KCNC4: variants seen among roughly 807,000 people sequenced by gnomAD.
KCNC4 encodes potassium voltage-gated channel subfamily C member 4.
Under a neutral mutation model 42.8 loss-of-function variants are expected in KCNC4, and 23 were observed. The ratio of observed to expected loss-of-function variants is 0.54; its 90% CI spans 0.39 to 0.76. The LOEUF (loss-of-function observed/expected upper bound fraction) is 0.76, where lower values mean the gene tolerates loss of function less well. KCNC4 is among the 30% of genes least tolerant of loss of function. KCNC4 has a pLI of 0.00. For missense variants in KCNC4, 751 were observed against 898.2 expected (o/e 0.84, Z 2.10); for synonymous variants, 422 against 393.5 (o/e 1.07, Z -0.86).
At chr1:110,282,221 G>A (rs977009127) in intron 1 of KCNC4, among the ~76,000 whole-genome samples, 2 of 152,216 alleles carry the variant, frequency 1.3e-5, no homozygotes, top group African/African-American at 4.8e-5. Context: ...TCCCAGAGGG[G>A]AGAAAGAGAT....
chr1:110,234,582 TCA>T (rs1318377130), downstream of KCNC4: 1 of 152,238 alleles, frequency 6.6e-6, no homozygotes, highest in Non-Finnish European at 1.5e-5. Context: ...CCCTTGGCTC[TCA>T]CTGTTGTTAT....
chr1:110,244,218 C>T (rs1244314377), exon 4 of KCNC4: 1 of 152,174 alleles, frequency 6.6e-6, no homozygotes. Context: ...CAAACCCTAA[C>T]TCGGGTGCGG....
chr1:110,254,899 T>C (rs1185057416), intron 1 of KCNC4, among the ~76,000 whole-genome samples: 2 of 152,244 alleles, frequency 1.3e-5, no homozygotes, highest in African/African-American at 2.4e-5. Flanking sequence ...GCAATGCCAT[T>C]CCAGTCCATT....
rs200184574 is a variant in KCNC4 at position 110,226,172 on chromosome 1, C to T, written c.1813C>T (p.Arg605Trp). ...CTATGCCTGCGCCGATGGTAGTGTC[C>T]GGAAAGGTATGGCTTCCCAAGCTGG... ...GDYACADGSVRKETCQDALSS... is the reference protein window; with the variant it reads ...GDYACADGSVWKETCQDALSS... Residue 605 changes from arginine to tryptophan, a missense_variant, in exon 3 of 4, where the codon CGG becomes TGG. Physicochemically the swap from Arg to Trp is moderately radical, Grantham distance 101 (BLOSUM62 -3). Transcript: ENST00000438661. 3.9e-5 allele frequency: 63 copies of T among 1,613,938 alleles called. No homozygotes were observed. Among genetic ancestry groups the T allele is most frequent in the South Asian group, 1.9e-4 (17 of 91,066 alleles).
At chr1:110,277,992 C>CA (rs911746318) in intron 1 of KCNC4, among the ~76,000 whole-genome samples, 1 of 152,074 alleles carries the variant, frequency 6.6e-6, no homozygotes, top group Non-Finnish European at 1.5e-5. Flanking sequence ...TACAAAAATA[C>CA]AAAAAATAGC....
chr1:110,232,007 C>T (rs371100724), intron 3 of KCNC4, among the ~76,000 whole-genome samples: 6 of 152,212 alleles, frequency 3.9e-5, no homozygotes, highest in African/African-American at 9.6e-5. Context: ...GTTGTCCCAG[C>T]GGGTCTGGAA....
chr1:110,241,571 C>G (rs199714932), exon 4 of KCNC4: 2 of 152,310 alleles, frequency 1.3e-5, no homozygotes, highest in East Asian at 3.9e-4. Flanking sequence ...TGGCCTGACT[C>G]CAATTAACAA....
intron 1 of KCNC4, among the ~76,000 whole-genome samples, chr1:110,268,671 G>A (rs933019170): frequency 6.7e-6 from 1 of 148,814 alleles, no homozygotes; most frequent in Non-Finnish European, 1.5e-5. Context: ...TGGAATTCTC[G>A]GGAAGACAGG....
At chr1:110,215,756 T>C (rs1657762908) in intron 1 of KCNC4, among the ~76,000 whole-genome samples, 1 of 152,226 alleles carries the variant, frequency 6.6e-6, no homozygotes, top group Non-Finnish European at 1.5e-5. Flanking sequence ...GAGGCAGATA[T>C]TGTTAACATC....
downstream of KCNC4, among the ~76,000 whole-genome samples, chr1:110,252,637 G>A (rs147499503): frequency 3.4e-3 from 521 of 152,174 alleles, 1 homozygote; most frequent in African/African-American, 0.011. Context: ...CCCGAGAATG[G>A]CTCTGGTACA....
At chr1:110,216,710 T>C (rs1304577330) in intron 1 of KCNC4, among the ~76,000 whole-genome samples, 3 of 152,164 alleles carry the variant, frequency 2.0e-5, no homozygotes, top group African/African-American at 7.2e-5. Context: ...CAGCCTGGGA[T>C]GCTGGGCACC....
At chr1:110,250,583 G>C (rs1659233641), downstream of KCNC4, among the ~76,000 whole-genome samples, 1 of 152,250 alleles carries the variant, frequency 6.6e-6, no homozygotes, top group Non-Finnish European at 1.5e-5. Context: ...GGCACTGTCA[G>C]TGTGGATAGA....
At chr1:110,280,652 T>C (rs969972611) in intron 1 of KCNC4, among the ~76,000 whole-genome samples, 1 of 135,644 alleles carries the variant, frequency 7.4e-6, no homozygotes, top group Non-Finnish European at 1.6e-5. Flanking sequence ...TTTAGCAAAT[T>C]ACAGGATGGC....
chr1:110,226,248 G>C (rs575335617), intron 3 of KCNC4, 70 bp downstream of exon 3: 2 of 1,371,116 alleles, frequency 1.5e-6, no homozygotes, highest in African/African-American at 2.9e-5. Context: ...CCCACCAAGA[G>C]CCTGAGGTCC....
chr1:110,232,384 C>T, intron 3 of KCNC4: 1 of 1,555,620 alleles, frequency 6.4e-7, no homozygotes. Context: ...ATGGAATATC[C>T]CAGGGTGGTG....
chr1:110,212,140 C>T lies in KCNC4; in HGVS notation c.641C>T (p.Ala214Val), dbSNP rs1413297584. ...GCRGWQPRMW[A>V]LFEDPYSSRA... is the part of the protein sequence containing the mutation. ...CGCGGCTGGCAGCCCCGCATGTGGG[C>T]GCTCTTCGAGGATCCCTACTCCTCC... The change falls in exon 1 of 4, where the codon GCG becomes GTG. Residue 214 changes from alanine to valine, a missense_variant. Around this residue, in one of 4 missense-constraint regions of KCNC4, gnomAD observed 181 missense variants for 167.3 expected, o/e 1.08. Coordinates refer to ENST00000438661, the MANE Select transcript of KCNC4 (RefSeq NM_001039574.3). The T allele has an allele frequency of 6.0e-6, 9 of 1,509,100 alleles. No individual in the cohort carries two copies. Among genetic ancestry groups the T allele is most frequent in the Non-Finnish European group, 7.9e-6 (9 of 1,145,880 alleles). The allele number at this position is 1,509,100 out of a possible 1,614,324, so 93.5% of individuals were successfully genotyped here.
At chr1:110,240,623 GAGA>G (rs1422467576) in exon 4 of KCNC4, 1 of 152,386 alleles carries the variant, frequency 6.6e-6, no homozygotes, top group Non-Finnish European at 1.5e-5. Context: ...GCTGCCCCTC[GAGA>G]AGACCAGGGG....
Position 110,212,073 on chromosome 1 carries a change from C to T in KCNC4, c.574C>T (p.His192Tyr), listed in dbSNP as rs1557850679. The T allele has an allele frequency of 6.5e-7, 1 of 1,543,870 alleles. No individual in the cohort carries two copies. The highest frequency in any genetic ancestry group is 2.4e-5 in the East Asian group (1 of 41,226). Residue 192 changes from histidine to tyrosine, a missense_variant, in exon 1 of 4, where the codon CAC becomes TAC. By Grantham distance (83) the His-to-Tyr change is moderately conservative. Transcript: ENST00000438661. The part of the protein sequence containing the change: ...RELALQRLGP[H>Y]EGGAGHGAGS... The stretch of plus-strand genomic sequence containing the variant: ...GCTGGCCCTGCAGCGACTGGGCCCC[C>T]ACGAGGGAGGCGCGGGCCATGGCGC...
chr1:110,254,967 A>G (rs1659305334), intron 1 of KCNC4, among the ~76,000 whole-genome samples: 1 of 152,252 alleles, frequency 6.6e-6, no homozygotes, highest in African/African-American at 2.4e-5. Context: ...AAGGGTGCCA[A>G]CATTATAAGT....
Sources: gnomAD v4.1 joint callset for allele counts (sites outside exome capture counted in the v4.1 genomes callset) on GRCh38, gnomAD v4.1.1 for gene constraint, gnomAD v4.1.1 regional missense constraint, MANE v1.5 for transcripts, NCBI Gene and HGNC (gene_info 2026-07-23, HGNC 2026-07-21) for gene names.